The following UBAP2L variants were observed in gnomAD, a reference collection of about 807,000 sequenced individuals.
UBAP2L encodes ubiquitin-associated protein 2-like.
A neutral mutation model predicts 130.6 loss-of-function variants in UBAP2L; 12 were observed. That is an observed-to-expected ratio of 0.09 (90% CI 0.06 to 0.15). The LOEUF (loss-of-function observed/expected upper bound fraction) is 0.15. Among genes scored for constraint, UBAP2L ranks in the 10% least tolerant of loss-of-function variants. The pLI is 1.00. For synonymous variants in UBAP2L, 503 were observed against 524.7 expected, an observed-to-expected ratio of 0.96 and a Z score of 0.57; for missense variants, 965 against 1,332.5, an observed-to-expected ratio of 0.72 and a Z score of 4.29.
intron 18 of UBAP2L, 48 bp downstream of exon 18, chr1:154,255,803 T>G (rs1179781879): frequency 1.3e-6 from 2 of 1,594,844 alleles, no homozygotes; most frequent in Non-Finnish European, 1.7e-6. Flanking sequence ...CACTTAGAAC[T>G]GTCCAACTGT....
intron 24 of UBAP2L, chr1:154,263,584 T>G (rs1373179329): frequency 1.9e-5 from 17 of 906,536 alleles, no homozygotes; most frequent in Non-Finnish European, 2.2e-5. Flanking sequence ...GAGGGTGGCC[T>G]TTTTAATCAA....
At position 154,255,690 on chromosome 1, in the gene UBAP2L, T is replaced by C. The variant is rs774625266; in HGVS notation, c.2092T>C (p.Ser698Pro). Residue 698 changes from serine to proline, a missense_variant, in exon 18 of 27, where the codon TCT becomes CCT. Around this residue, in one of 9 missense-constraint regions of UBAP2L, gnomAD observed 393 missense variants for 408.1 expected, o/e 0.96. Transcript: ENST00000428931. ...CCTCTTTTTTTCTGACAGCACGTTATCTACGCAGCAGAATACCCTTTCATC... is the reference window on the plus strand; with the variant it reads ...CCTCTTTTTTTCTGACAGCACGTTACCTACGCAGCAGAATACCCTTTCATC... ...TTTTQHSSTL[S>P]TQQNTLSSST... 4 of 1,614,206 alleles carry C rather than the reference T, an allele frequency of 2.5e-6. No homozygotes were observed. The highest frequency in any genetic ancestry group is 2.2e-5 in the South Asian group (2 of 91,082).
chr1:154,240,210 C>G (rs146757722), intron 8 of UBAP2L, among the ~76,000 whole-genome samples: 43 of 152,206 alleles, frequency 2.8e-4, no homozygotes, highest in African/African-American at 9.4e-4. Flanking sequence ...GCTCTTGTCC[C>G]TTCTTCAGAC....
At chr1:154,257,018 T>C in intron 18 of UBAP2L, 45 bp from the exon 19 acceptor site, 1 of 1,586,006 alleles carries the variant, frequency 6.3e-7, no homozygotes, top group African/African-American at 1.3e-5. Context: ...CCTATGATGC[T>C]GATCTCTTTT....
At chr1:154,247,700 G>C (rs1675976685) in intron 11 of UBAP2L, among the ~76,000 whole-genome samples, 1 of 152,104 alleles carries the variant, frequency 6.6e-6, no homozygotes, top group African/African-American at 2.4e-5. Context: ...CTGTACTCCA[G>C]CCTGGGTGAC....
At chr1:154,240,509 G>A (rs1390810076) in intron 8 of UBAP2L, among the ~76,000 whole-genome samples, 1 of 152,068 alleles carries the variant, frequency 6.6e-6, no homozygotes, top group Non-Finnish European at 1.5e-5. Context: ...AGTAAGGTTA[G>A]GACAGTAACT....
chr1:154,262,150 A>G (rs140065243), intron 24 of UBAP2L, among the ~76,000 whole-genome samples: 4 of 152,302 alleles, frequency 2.6e-5, no homozygotes, highest in Non-Finnish European at 5.9e-5. Context: ...TACTTTTCTT[A>G]TGTGTCCTTT....
At chr1:154,245,708 G>T (rs1006818965) in intron 10 of UBAP2L, among the ~76,000 whole-genome samples, 5 of 151,870 alleles carry the variant, frequency 3.3e-5, no homozygotes, top group Admixed American at 3.3e-4. Flanking sequence ...GAGGTCAGGA[G>T]ATTGAGACCA....
intron 21 of UBAP2L, among the ~76,000 whole-genome samples, 165 bp downstream of exon 21, chr1:154,259,195 A>G (rs559172730): frequency 3.1e-4 from 47 of 151,632 alleles, no homozygotes; most frequent in African/African-American, 1.1e-3. Flanking sequence ...CCAACAGAAG[A>G]TAACTTTTTT....
chr1:154,246,242 C>G lies in UBAP2L; in HGVS notation c.881C>G (p.Thr294Arg). 6.2e-7 allele frequency: 1 copy of G among 1,613,572 alleles called. No homozygotes were observed. The highest frequency in any genetic ancestry group is 8.5e-7 in the Non-Finnish European group (1 of 1,179,736). The change falls in exon 11 of 27, where the codon ACA becomes AGA. Residue 294 changes from threonine (T) to arginine (R), a missense_variant. By Grantham distance (71) the Thr-to-Arg change is moderately conservative. Coordinates refer to ENST00000428931, the MANE Select transcript of UBAP2L (RefSeq NM_014847.4). ...LAVLLGKTPSTMENDSSNLDP... is the reference protein window; with the variant it reads ...LAVLLGKTPSRMENDSSNLDP... ...GTTCTGCTGGGGAAGACACCATCTA[C>G]AATGGAGAATGATTCATCTAATCTG...
chr1:154,240,605 A>G (rs972573595), intron 8 of UBAP2L, among the ~76,000 whole-genome samples: 6 of 152,124 alleles, frequency 3.9e-5, no homozygotes, highest in Admixed American at 3.3e-4. Flanking sequence ...AGTTAAACCA[A>G]TAAGATCTAT....
At chr1:154,267,076 G>A (rs747242099) in intron 25 of UBAP2L, among the ~76,000 whole-genome samples, 9 of 151,958 alleles carry the variant, frequency 5.9e-5, no homozygotes, top group South Asian at 4.2e-4. Flanking sequence ...GGGTCTGGGG[G>A]GGCACTTCAT....
intron 6 of UBAP2L, 132 bp from the exon 7 acceptor site, chr1:154,236,434 A>G: frequency 1.1e-6 from 1 of 908,910 alleles, no homozygotes; most frequent in Admixed American, 2.1e-5. Flanking sequence ...TCTGGATGCA[A>G]CCAATCCGCC....
At chr1:154,248,028 C>T (rs909476084) in intron 11 of UBAP2L, among the ~76,000 whole-genome samples, 25 of 150,878 alleles carry the variant, frequency 1.7e-4, no homozygotes, top group Admixed American at 1.1e-3. Flanking sequence ...AGTGCAATGG[C>T]GCGATCTTGG....
chr1:154,261,864 A>G (rs1681656598), intron 24 of UBAP2L, among the ~76,000 whole-genome samples, 167 bp downstream of exon 24: 1 of 152,210 alleles, frequency 6.6e-6, no homozygotes, highest in African/African-American at 2.4e-5. Context: ...GAGCAGCACC[A>G]ACAGAGGAGC....
chr1:154,256,944 C>T (rs1180095355), intron 18 of UBAP2L, 119 bp from the exon 19 acceptor site: 1 of 1,212,412 alleles, frequency 8.2e-7, no homozygotes, highest in Non-Finnish European at 1.1e-6. Flanking sequence ...CCTACTTGGC[C>T]TCTTTAATTA....
chr1:154,269,392 C>T, intron 26 of UBAP2L: 1 of 1,313,724 alleles, frequency 7.6e-7, no homozygotes, highest in Non-Finnish European at 1.0e-6. Context: ...TCTCTGTTGC[C>T]AGCGCCAGCA....
chr1:154,256,705 A>C (rs1679798301), intron 18 of UBAP2L, among the ~76,000 whole-genome samples: 1 of 152,166 alleles, frequency 6.6e-6, no homozygotes, highest in African/African-American at 2.4e-5. Flanking sequence ...CTAGTAAAGA[A>C]AAGTTGGGGA....
chr1:154,266,333 T>C (rs1683218783), intron 24 of UBAP2L, 168 bp from the exon 25 acceptor site: 6 of 706,214 alleles, frequency 8.5e-6, no homozygotes, highest in Admixed American at 6.4e-5. Flanking sequence ...CTTAGGGAGC[T>C]TTTGTTTCAT....
Sources: gnomAD v4.1 joint callset for allele counts (sites outside exome capture counted in the v4.1 genomes callset) on GRCh38, gnomAD v4.1.1 for gene constraint, gnomAD v4.1.1 regional missense constraint, MANE v1.5 for transcripts, NCBI Gene and HGNC (gene_info 2026-07-23, HGNC 2026-07-21) for gene names.